HMCN1: variants seen among roughly 807,000 people sequenced by gnomAD.
HMCN1 encodes the protein hemicentin-1.
In HMCN1, 321 loss-of-function variants were observed where a neutral mutation model predicts 625.9. That is an observed-to-expected ratio of 0.51 (90% confidence interval 0.47 to 0.56). The LOEUF is 0.56. HMCN1 is among the 20% of genes least tolerant of loss of function. The pLI is 0.00. For synonymous variants in HMCN1, 2,425 were observed against 2,417.6 expected (o/e 1.00, Z -0.09); for missense variants, 6,588 against 6,887.3 (o/e 0.96, Z 1.54).
In HMCN1 at chr1:185,962,571, G is replaced by C; in HGVS notation, c.1882G>C (p.Glu628Gln). Residue 628 changes from glutamate to glutamine, a missense_variant, in exon 12 of 107, where the codon GAG becomes CAG. Transcript: ENST00000271588. ...PKNQSFTGGS[E>Q]VSIMCSATGY... ...GAATCAGTCTTTCACAGGAGGGTCT[G>C]AGGTCTCCATCATGTGTTCTGCAAC... 1 of 1,610,022 alleles carries C rather than the reference G, an allele frequency of 6.2e-7. No homozygotes were observed.
chr1:186,130,489 T>A lies in HMCN1; in HGVS notation c.13040-18T>A, dbSNP rs376054713. 88 of 1,608,502 alleles carry A rather than the reference T, an allele frequency of 5.5e-5. No homozygotes were observed. In the African/African-American group the frequency reaches 9.7e-4, roughly 18 times the overall value. ...AGCACTTACTTTTACTTTGTACCTG[T>A]CTTATGTTGTTTTCCAGAACCTCCA... On this transcript the variant is annotated intron_variant, in intron 84 of 106. Transcript: ENST00000271588.
Position 186,065,262 on chromosome 1 carries a change from G to T in HMCN1, c.7538G>T (p.Trp2513Leu). 1.9e-6 allele frequency: 3 copies of T among 1,612,248 alleles called. No individual in the cohort carries two copies. Among genetic ancestry groups the T allele is most frequent in the Non-Finnish European group, 2.5e-6 (3 of 1,179,794 alleles). Residue 2513 changes from tryptophan to leucine, a missense_variant, in exon 49 of 107, where the codon TGG becomes TTG. Transcript: ENST00000271588. ...VTGNPVPEITWHKDGQPLQED... is the reference protein window; with the variant it reads ...VTGNPVPEITLHKDGQPLQED... ...GGGAATCCAGTGCCAGAAATTACAT[G>T]GCACAAAGATGGGCAGCCCCTCCAA...
At position 186,095,234 on chromosome 1, in the gene HMCN1, T is replaced by A. The variant is rs758156026; in HGVS notation, c.10295-9T>A. On this transcript the variant is annotated splice_polypyrimidine_tract_variant and intron_variant, in intron 67 of 106. Coordinates refer to ENST00000271588, the MANE Select transcript of HMCN1 (RefSeq NM_031935.3). ...CATCCAAATTTTGCCCATGTTGTTT[T>A]CTATGTAGCACCACCAAATATGGAC... 1 of 1,613,640 alleles carries A rather than the reference T, an allele frequency of 6.2e-7. No homozygotes were observed. Among genetic ancestry groups the A allele is most frequent in the East Asian group, 2.2e-5 (1 of 44,868 alleles).
intron 46 of HMCN1, among the ~76,000 whole-genome samples, chr1:186,060,233 CAGAT>C (rs1212343899): frequency 1.3e-5 from 2 of 151,966 alleles, no homozygotes; most frequent in Non-Finnish European, 2.9e-5. Context: ...AAACAGAAAA[CAGAT>C]AGAATACCCC....
chr1:185,984,957 A>C (rs966907800), intron 19 of HMCN1, among the ~76,000 whole-genome samples: 1 of 152,208 alleles, frequency 6.6e-6, no homozygotes, highest in Non-Finnish European at 1.5e-5. Context: ...AACAAAAAAA[A>C]CCATTGCATT....
At chr1:185,956,085 T>C (rs1649606864) in intron 11 of HMCN1, among the ~76,000 whole-genome samples, 1 of 152,182 alleles carries the variant, frequency 6.6e-6, no homozygotes, top group Non-Finnish European at 1.5e-5. Context: ...TTATTAATCA[T>C]ATTATATATA....
intron 36 of HMCN1, among the ~76,000 whole-genome samples, chr1:186,026,075 C>T (rs976012685): frequency 6.6e-5 from 10 of 152,192 alleles, no homozygotes; most frequent in Non-Finnish European, 1.3e-4. Context: ...AGAAAACTGG[C>T]ATTTCACTTT....
At chr1:186,136,491 AAAG>A (rs1649612855) in intron 86 of HMCN1, among the ~76,000 whole-genome samples, 174 bp from the exon 87 acceptor site, 2 of 152,224 alleles carry the variant, frequency 1.3e-5, no homozygotes, top group African/African-American at 4.8e-5. Context: ...ACTAAATAAA[AAAG>A]AATTATGAAA....
intron 36 of HMCN1, 119 bp downstream of exon 36, chr1:186,023,272 ATAAAAAAAACCTAGGGTTTTTTTTTTT>A (rs1654838960): frequency 4.7e-6 from 4 of 858,546 alleles, no homozygotes. Context: ...CTTAGTCTGT[ATAAAAAAAACCTAGGGTTTTTTTTTTT>A]TTTTTACATT....
intron 1 of HMCN1, among the ~76,000 whole-genome samples, chr1:185,795,687 G>A (rs1322358): frequency 0.56 from 85,735 of 152,096 alleles, 27,398 homozygotes; most frequent in African/African-American, 0.89. Context: ...TCTAACCTCC[G>A]GAATGCTAGA....
Position 185,975,803 on chromosome 1 carries a change from CAATA to C in HMCN1, c.2372-1974_2372-1971del, listed in dbSNP as rs566248977. ...AACCTAATTTAATTTTGTTTAGGTT[CAATA>C]AATAAATAAGAGGGCTCTGAAATTG... On this transcript the variant is annotated intron_variant, in intron 15 of 106. Coordinates refer to ENST00000271588, the MANE Select transcript of HMCN1 (RefSeq NM_031935.3). Among the ~76,000 whole-genome samples, 478 of 151,882 alleles carry C rather than the reference CAATA, an allele frequency of 3.1e-3. 2 individuals carry two copies. Among genetic ancestry groups the C allele is most frequent in the African/African-American group, 0.011 (445 of 41,422 alleles).
At chr1:185,906,444 G>A (rs1427816164) in intron 4 of HMCN1, among the ~76,000 whole-genome samples, 1 of 151,744 alleles carries the variant, frequency 6.6e-6, no homozygotes, top group South Asian at 2.1e-4. Flanking sequence ...CTTATATTCT[G>A]TACCATTTGA....
intron 25 of HMCN1, among the ~76,000 whole-genome samples, chr1:185,999,415 C>T (rs1381844092): frequency 4.6e-5 from 7 of 151,868 alleles, no homozygotes; most frequent in African/African-American, 1.7e-4. Flanking sequence ...TCCAAGAGTA[C>T]ATCATTTCCA....
At chr1:185,783,453 T>C (rs1046505208) in intron 1 of HMCN1, among the ~76,000 whole-genome samples, 1 of 149,454 alleles carries the variant, frequency 6.7e-6, no homozygotes, top group Non-Finnish European at 1.5e-5. Context: ...TTTTCTGCTC[T>C]GTTTTTTCCC....
At chr1:186,147,634 C>A (rs1417399623) in intron 93 of HMCN1, among the ~76,000 whole-genome samples, 1 of 152,074 alleles carries the variant, frequency 6.6e-6, no homozygotes, top group Non-Finnish European at 1.5e-5. Flanking sequence ...TCTAGACCAC[C>A]ACAAGGAAGT....
At chr1:186,116,886 G>A (rs1459965080) in intron 75 of HMCN1, 108 bp from the exon 76 acceptor site, 1 of 1,249,746 alleles carries the variant, frequency 8.0e-7, no homozygotes, top group African/African-American at 1.5e-5. Flanking sequence ...TAACATGAGG[G>A]AAGAGTACTG....
At chr1:186,070,208 G>A (rs761904) in intron 51 of HMCN1, among the ~76,000 whole-genome samples, 94,928 of 152,148 alleles carry the variant, frequency 0.62, 31,472 homozygotes, top group African/African-American at 0.87. Flanking sequence ...CCATTAATGG[G>A]ACTCATATTT....
chr1:185,954,351 A>T (rs1187639936), intron 11 of HMCN1, among the ~76,000 whole-genome samples: 1 of 152,196 alleles, frequency 6.6e-6, no homozygotes, highest in African/African-American at 2.4e-5. Context: ...TTTCGTTGTG[A>T]GAACTCAAGT....
chr1:186,062,607 G>A lies in HMCN1; in HGVS notation c.7513+7G>A. On this transcript the variant is annotated splice_region_variant and intron_variant, in intron 48 of 106. Coordinates refer to ENST00000271588, the MANE Select transcript of HMCN1 (RefSeq NM_031935.3). ...CTGACTTGTGAAGTGACAGGTATGG[G>A]CTCAGCTCTCAGACTTTTGGTGCTC... The A allele has an allele frequency of 6.3e-7, 1 of 1,594,840 alleles. No individual in the cohort carries two copies. The highest frequency in any genetic ancestry group is 8.6e-7 in the Non-Finnish European group (1 of 1,162,782).
Sources: gnomAD v4.1 joint callset for allele counts (sites outside exome capture counted in the v4.1 genomes callset) on GRCh38, gnomAD v4.1.1 for gene constraint, MANE v1.5 for transcripts, NCBI Gene and HGNC (gene_info 2026-07-23, HGNC 2026-07-21) for gene names.